Variants in WDR35 observed in about 807,000 individuals in gnomAD.
WDR35 encodes WD repeat domain 35, also known as WD repeat-containing protein 35.
WDR35 carries 118 observed loss-of-function variants against 158.3 expected under a neutral mutation model. The observed-to-expected ratio is 0.75, with a 90% confidence interval of 0.64 to 0.87. The LOEUF (loss-of-function observed/expected upper bound fraction) is 0.87. Among genes scored for constraint, WDR35 ranks in the 40% least tolerant of loss-of-function variants. The pLI is 0.00. For missense variants in WDR35, 1,263 were observed against 1,405.8 expected (o/e 0.90, Z 1.62); for synonymous variants, 448 against 476.1 (o/e 0.94, Z 0.77).
intron 10 of WDR35, among the ~76,000 whole-genome samples, chr2:19,964,354 T>C (rs1447005830): frequency 1.3e-5 from 2 of 150,414 alleles, no homozygotes; most frequent in African/African-American, 4.9e-5. Flanking sequence ...TTCACTCTTT[T>C]TTTTTCTTTT....
Position 19,913,250 on chromosome 2 carries a change from G to A in WDR35, c.*308C>T, listed in dbSNP as rs994075234. On this transcript the variant is annotated 3_prime_UTR_variant, in exon 27 of 27. Coordinates refer to ENST00000281405, the MANE Select transcript of WDR35 (RefSeq NM_020779.4). Reference sequence around the variant, plus strand: ...ATGAATTCAGTTACCTTGACACTGTGAGAAAAAAATTTATTTGGAATATTT... The same window carrying A: ...ATGAATTCAGTTACCTTGACACTGTAAGAAAAAAATTTATTTGGAATATTT... 2 of 252,536 alleles carry A rather than the reference G, an allele frequency of 7.9e-6. No individual in the cohort carries two copies. Among genetic ancestry groups the A allele is most frequent in the Non-Finnish European group, 1.5e-5 (2 of 130,070 alleles). The allele number at this position is 252,536 out of a possible 1,614,324, so 15.6% of individuals were successfully genotyped here.
chr2:19,941,828 C>A lies in WDR35; in HGVS notation c.1857G>T (p.Gln619His), dbSNP rs1166654763. 2 of 1,572,702 alleles carry A rather than the reference C, an allele frequency of 1.3e-6. No homozygotes were observed. The highest frequency in any genetic ancestry group is 1.7e-6 in the Non-Finnish European group (2 of 1,151,728). The change falls in exon 17 of 27, where the codon CAG (glutamine) becomes CAT (histidine). Residue 619 changes from glutamine to histidine, a missense_variant. Coordinates refer to ENST00000281405, the MANE Select transcript of WDR35 (RefSeq NM_020779.4). ...FRNLDPEEPIQTSGYICNFED... is the reference protein window; with the variant it reads ...FRNLDPEEPIHTSGYICNFED... Reference sequence around the variant, plus strand: ...CAAAATTACAAATATATCCAGAGGTCTGAATGGGTTCCTTTAAAGACAAAA... The same window carrying A: ...CAAAATTACAAATATATCCAGAGGTATGAATGGGTTCCTTTAAAGACAAAA...
At position 19,918,968 on chromosome 2, in the gene WDR35, TTATTCTAAAA is replaced by T. The variant is rs556909811; in HGVS notation, c.3122-4701_3122-4692del. Among the ~76,000 whole-genome samples, 65 of 152,252 alleles carry T rather than the reference TTATTCTAAAA, an allele frequency of 4.3e-4. 1 individual carries two copies. In the East Asian group the frequency reaches 0.011, roughly 25 times the overall value. On this transcript the variant is annotated intron_variant, in intron 25 of 26. Transcript: ENST00000281405. ...CATTCTTCTCAGCACCACATGGCAG[TTATTCTAAAA>T]CTGACCACATAATTGGAAGTAAAAC... is the stretch of plus-strand genomic sequence containing the variant.
rs57759587 is a variant in WDR35, at chr2:19,934,024, AACCACCACCACCACCACCACCACC to A, written c.2548-537_2548-514del. ...TTGGAAAGTGGTGGCAGCGAGGAAG[AACCACCACCACCACCACCACCACC>A]ACCACCACCACCACCACCACCACCA... On this transcript the variant is annotated intron_variant, in intron 21 of 26. Coordinates refer to ENST00000281405, the MANE Select transcript of WDR35 (RefSeq NM_020779.4). The surrounding 1 kb of genome is among the most constrained non-coding windows in gnomAD (Gnocchi z 4.6). Among the ~76,000 whole-genome samples the A allele has an allele frequency of 9.5e-6, 1 of 105,070 alleles. No homozygotes were observed. The highest frequency in any genetic ancestry group is 1.8e-5 in the Non-Finnish European group (1 of 54,102). 68.9% of individuals were successfully genotyped at this position (105,070 alleles called of 152,430 possible). A position where few individuals can be genotyped will look rare whatever the true frequency, so the allele number is the denominator to read the frequency against.
intron 25 of WDR35, among the ~76,000 whole-genome samples, 166 bp downstream of exon 25, chr2:19,930,230 T>TA (rs1037202589): frequency 2.6e-5 from 4 of 151,972 alleles, no homozygotes; most frequent in Admixed American, 6.6e-5. Flanking sequence ...TTCTCTGTAT[T>TA]AAAAAAAACT....
rs1424992745 is a variant in WDR35 at position 19,982,547 on chromosome 2, A to G, written c.143-13T>C. The G allele has an allele frequency of 6.2e-7, 1 of 1,612,762 alleles. No individual in the cohort carries two copies. Among genetic ancestry groups the G allele is most frequent in the Non-Finnish European group, 8.5e-7 (1 of 1,179,300 alleles). ...AATTTTGCATCATCTAAAACAAAAC[A>G]AAACAAACTACTATGATAAATATGT... On this transcript the variant is annotated splice_polypyrimidine_tract_variant and intron_variant, in intron 2 of 26. Transcript: ENST00000281405.
intron 4 of WDR35, 61 bp downstream of exon 4, chr2:19,980,630 A>G: frequency 7.1e-7 from 1 of 1,406,264 alleles, no homozygotes; most frequent in South Asian, 1.2e-5. Context: ...TACCCATCCA[A>G]ATACTGTGAT....
chr2:19,982,642 T>C (rs1672421051), intron 2 of WDR35, 108 bp from the exon 3 acceptor site: 1 of 1,084,402 alleles, frequency 9.2e-7, no homozygotes, highest in Non-Finnish European at 1.3e-6. Context: ...TTTCTAAGTA[T>C]GCCCCATTCT....
Position 19,913,495 on chromosome 2 carries a change from A to G in WDR35, c.*63T>C. 3.2e-6 allele frequency: 5 copies of G among 1,579,446 alleles called. No individual in the cohort carries two copies. The highest frequency in any genetic ancestry group is 4.3e-6 in the Non-Finnish European group (5 of 1,149,494). ...CACAGAAATAAACCTTATTACATATACAGCATATAGCCATGTATATATGCT... is the reference window on the plus strand; with the variant it reads ...CACAGAAATAAACCTTATTACATATGCAGCATATAGCCATGTATATATGCT... On this transcript the variant is annotated 3_prime_UTR_variant, in exon 27 of 27. Transcript: ENST00000281405.
At chr2:19,950,662 A>G (rs776087007) in intron 13 of WDR35, among the ~76,000 whole-genome samples, 1 of 152,214 alleles carries the variant, frequency 6.6e-6, no homozygotes, top group Non-Finnish European at 1.5e-5. Flanking sequence ...CTTAATAGAC[A>G]TTCAAAAAAT....
intron 20 of WDR35, among the ~76,000 whole-genome samples, chr2:19,935,943 T>C (rs1670678780): frequency 6.6e-6 from 1 of 152,144 alleles, no homozygotes; most frequent in Admixed American, 6.5e-5. Flanking sequence ...TGTTCAAAAA[T>C]AAAACATAAA....
At chr2:19,965,890 C>T (rs534708753) in intron 10 of WDR35, among the ~76,000 whole-genome samples, 50 of 152,248 alleles carry the variant, frequency 3.3e-4, no homozygotes, top group African/African-American at 1.1e-3. Context: ...TTTGGGATTC[C>T]GTGATCTAAG....
chr2:19,945,422 ATTTT>A (rs896732357), intron 16 of WDR35, among the ~76,000 whole-genome samples: 2 of 152,068 alleles, frequency 1.3e-5, no homozygotes, highest in Middle Eastern at 3.2e-3. Context: ...TGAAAACTAT[ATTTT>A]TTTATTAGGT....
At chr2:19,973,413 T>TA in intron 8 of WDR35, 150 bp downstream of exon 8, 1 of 765,222 alleles carries the variant, frequency 1.3e-6, no homozygotes, top group Non-Finnish European at 1.9e-6. Context: ...AATTCCATGA[T>TA]AAAATACAAC....
In WDR35 at chr2:19,933,411, T is replaced by G; in HGVS notation, c.2648A>C (p.His883Pro). The G allele has an allele frequency of 1.2e-6, 2 of 1,613,414 alleles. No homozygotes were observed. Among genetic ancestry groups the G allele is most frequent in the Non-Finnish European group, 1.7e-6 (2 of 1,179,438 alleles). ...QPKAAVDTCV[H>P]LNQWNKAVEL... Reference sequence around the variant, plus strand: ...AGTTTCAGTTCCTACTTGGTTGAGATGTACGCAGGTATCTACTGCTGCCTT... The same window carrying G: ...AGTTTCAGTTCCTACTTGGTTGAGAGGTACGCAGGTATCTACTGCTGCCTT... Residue 883 changes from histidine (H) to proline (P), a missense_variant, in exon 22 of 27, where the codon CAT becomes CCT. Physicochemically the swap from His to Pro is moderately conservative, Grantham distance 77. Transcript: ENST00000281405.
intron 10 of WDR35, among the ~76,000 whole-genome samples, chr2:19,963,801 G>C (rs1322148493): frequency 6.6e-6 from 1 of 152,058 alleles, no homozygotes; most frequent in East Asian, 1.9e-4. Context: ...CTGGAGTGCA[G>C]TGGCACATCT....
intron 25 of WDR35, among the ~76,000 whole-genome samples, chr2:19,923,014 T>C (rs1572313043): frequency 1.3e-5 from 2 of 152,326 alleles, no homozygotes; most frequent in Non-Finnish European, 2.9e-5. Flanking sequence ...ACCCATCCCT[T>C]TATTTCAGCC....
intron 8 of WDR35, 105 bp from the exon 9 acceptor site, chr2:19,969,710 T>C (rs1671973542): frequency 7.7e-7 from 1 of 1,293,412 alleles, no homozygotes; most frequent in East Asian, 2.4e-5. Context: ...CATTATTTTG[T>C]GAAAAGTTAC....
intron 13 of WDR35, among the ~76,000 whole-genome samples, chr2:19,949,841 T>C (rs1338335430): frequency 6.6e-6 from 1 of 152,092 alleles, no homozygotes; most frequent in Non-Finnish European, 1.5e-5. Context: ...CAAGAGAAAA[T>C]GAGTTCTCGT....
Sources: allele counts gnomAD v4.1 joint callset (sites outside exome capture counted in the v4.1 genomes callset), GRCh38; gene constraint gnomAD v4.1.1; non-coding constraint Gnocchi (gnomAD v3.1); transcripts MANE v1.5; gene names NCBI Gene and HGNC (gene_info 2026-07-23, HGNC 2026-07-21).